The following SIAH3 variants were observed in gnomAD, a reference collection of about 807,000 sequenced individuals.
SIAH3 encodes the protein siah E3 ubiquitin protein ligase family member 3, also known as seven in absentia homolog 3.
In SIAH3, 9 loss-of-function variants were observed where a neutral mutation model predicts 12.6. The observed-to-expected ratio is 0.72, with a 90% CI of 0.43 to 1.25. SIAH3 has a LOEUF of 1.25. Among genes scored for constraint, SIAH3 ranks in the 50% most tolerant of loss-of-function variants. The pLI is 0.00. For synonymous variants in SIAH3, 154 were observed against 151.1 expected (o/e 1.02, Z -0.14); for missense variants, 390 against 365.4 (o/e 1.07, Z -0.55).
chr13:45,798,272 T>A (rs1950569725), intron 1 of SIAH3, among the ~76,000 whole-genome samples: 2 of 152,220 alleles, frequency 1.3e-5, no homozygotes, highest in African/African-American at 4.8e-5. Flanking sequence ...AATATCATGC[T>A]TTTCAGCAGG....
chr13:45,843,923 A>G (rs1950749626), intron 1 of SIAH3, among the ~76,000 whole-genome samples: 1 of 152,236 alleles, frequency 6.6e-6, no homozygotes, highest in African/African-American at 2.4e-5. Flanking sequence ...AATTCCCCAA[A>G]GATCAAAATT....
At chr13:45,836,066 C>T (rs1950716665) in intron 1 of SIAH3, among the ~76,000 whole-genome samples, 1 of 152,168 alleles carries the variant, frequency 6.6e-6, no homozygotes, top group Non-Finnish European at 1.5e-5. Context: ...TACTCACCAT[C>T]TGATAGGGAC....
chr13:45,809,735 C>T (rs544286905), intron 1 of SIAH3, among the ~76,000 whole-genome samples: 1 of 152,056 alleles, frequency 6.6e-6, no homozygotes, highest in South Asian at 2.1e-4. Context: ...TTACTGAAAG[C>T]AAAAGAACCA....
intron 1 of SIAH3, among the ~76,000 whole-genome samples, chr13:45,807,307 G>A (rs111640759): frequency 0.017 from 2,508 of 150,786 alleles, 64 homozygotes; most frequent in African/African-American, 0.058. Flanking sequence ...GATTTAAAAA[G>A]TTTATATGAA....
At chr13:45,849,427 T>C (rs1328952753) in intron 1 of SIAH3, among the ~76,000 whole-genome samples, 1 of 152,232 alleles carries the variant, frequency 6.6e-6, no homozygotes, top group Non-Finnish European at 1.5e-5. Flanking sequence ...CTATTGGAAC[T>C]CTACAAATTA....
At chr13:45,832,056 G>T (rs1407108667) in intron 1 of SIAH3, among the ~76,000 whole-genome samples, 1 of 152,190 alleles carries the variant, frequency 6.6e-6, no homozygotes, top group Non-Finnish European at 1.5e-5. Flanking sequence ...GAGCCAGCCG[G>T]AAGTGCCTAG....
chr13:45,843,030 C>CTGTGTGTGTGTGTGTGTGTGTGTG (rs1236849648), intron 1 of SIAH3, among the ~76,000 whole-genome samples: 60 of 64,516 alleles, frequency 9.3e-4, no homozygotes, highest in Admixed American at 1.9e-3. Flanking sequence ...CTCTCTCTCT[C>CTGTGTGTGTGTGTGTGTGTGTGTG]TCTCTGTGTG....
intron 1 of SIAH3, among the ~76,000 whole-genome samples, chr13:45,837,253 T>C (rs981843693): frequency 6.6e-6 from 1 of 152,214 alleles, no homozygotes; most frequent in Non-Finnish European, 1.5e-5. Flanking sequence ...GAGACTCATC[T>C]GGTGACTTTG....
chr13:45,793,182 C>A (rs868026391), intron 1 of SIAH3, among the ~76,000 whole-genome samples: 2 of 152,126 alleles, frequency 1.3e-5, no homozygotes, highest in African/African-American at 4.8e-5. Context: ...GTGCCATAAC[C>A]TTTGAGAGGA....
intron 1 of SIAH3, among the ~76,000 whole-genome samples, chr13:45,823,890 A>G (rs1385440628): frequency 6.6e-6 from 1 of 152,212 alleles, no homozygotes; most frequent in Non-Finnish European, 1.5e-5. Flanking sequence ...TCTGAGCCTC[A>G]GCTCTCTCCT....
chr13:45,798,688 C>T (rs1004898459), intron 1 of SIAH3, among the ~76,000 whole-genome samples: 5 of 152,218 alleles, frequency 3.3e-5, no homozygotes, highest in African/African-American at 1.2e-4. Flanking sequence ...TTGCTCACTT[C>T]GGCACTGGCC....
chr13:45,827,737 G>C (rs192522933), intron 1 of SIAH3, among the ~76,000 whole-genome samples: 2 of 152,230 alleles, frequency 1.3e-5, no homozygotes, highest in African/African-American at 4.8e-5. Flanking sequence ...CAGTCACCAG[G>C]GTAGCCTTGT....
chr13:45,794,479 T>C (rs1950556247), intron 1 of SIAH3, among the ~76,000 whole-genome samples: 1 of 152,160 alleles, frequency 6.6e-6, no homozygotes, highest in African/African-American at 2.4e-5. Context: ...CCCACCCACA[T>C]CTCATCTTGA....
chr13:45,844,251 T>C (rs576444898), intron 1 of SIAH3, among the ~76,000 whole-genome samples: 1 of 152,344 alleles, frequency 6.6e-6, no homozygotes, highest in African/African-American at 2.4e-5. Flanking sequence ...GTGAGGATGT[T>C]TCCAGAGGAG....
intron 1 of SIAH3, among the ~76,000 whole-genome samples, chr13:45,794,949 G>C (rs983153965): frequency 2.6e-5 from 3 of 114,236 alleles, no homozygotes; most frequent in Non-Finnish European, 5.6e-5. Context: ...TTCTCACTAG[G>C]ACCTTTTTTT....
intron 1 of SIAH3, among the ~76,000 whole-genome samples, chr13:45,800,244 T>C (rs1322856608): frequency 1.3e-5 from 2 of 152,208 alleles, no homozygotes; most frequent in Admixed American, 1.3e-4. Flanking sequence ...TTTTTTCTAC[T>C]TGATATCTTG....
intron 1 of SIAH3, among the ~76,000 whole-genome samples, chr13:45,787,607 A>G (rs1400350391): frequency 6.6e-6 from 1 of 152,172 alleles, no homozygotes; most frequent in Non-Finnish European, 1.5e-5. Flanking sequence ...GGTTTGAAGG[A>G]GCTGGGTATG....
At chr13:45,840,606 G>A (rs544547438) in intron 1 of SIAH3, among the ~76,000 whole-genome samples, 211 of 152,276 alleles carry the variant, frequency 1.4e-3, no homozygotes, top group Non-Finnish European at 2.3e-3. Context: ...GAGGCCACAG[G>A]AACTCGATCC....
chr13:45,822,520 A>AAT (rs36106322), intron 1 of SIAH3, among the ~76,000 whole-genome samples: 7,811 of 85,138 alleles, frequency 0.092, 460 homozygotes, highest in African/African-American at 0.11. Context: ...TTCATTATCA[A>AAT]ATATATATAT....
Sources: allele counts gnomAD v4.1 joint callset (sites outside exome capture counted in the v4.1 genomes callset), GRCh38; gene constraint gnomAD v4.1.1; transcripts MANE v1.5; gene names NCBI Gene and HGNC (gene_info 2026-07-23, HGNC 2026-07-21).